The following LRBA variants were observed in gnomAD, a reference collection of about 807,000 sequenced individuals.
LRBA encodes the protein lipopolysaccharide-responsive and beige-like anchor protein.
Under a neutral mutation model 330.0 loss-of-function variants are expected in LRBA, and 176 were observed. The observed-to-expected ratio is 0.53, with a 90% confidence interval of 0.47 to 0.60. LRBA has a LOEUF of 0.60. LRBA is among the 20% of genes least tolerant of loss of function. The pLI is 0.00. For missense variants in LRBA, 3,259 were observed against 3,444.8 expected (o/e 0.95, Z 1.35); for synonymous variants, 1,230 against 1,193.0 (o/e 1.03, Z -0.64).
At chr4:150,293,728 C>A (rs1443365829) in intron 53 of LRBA, among the ~76,000 whole-genome samples, 1 of 152,164 alleles carries the variant, frequency 6.6e-6, no homozygotes, top group African/African-American at 2.4e-5. Context: ...GACCCTTGAA[C>A]AACATAGGTT....
intron 40 of LRBA, among the ~76,000 whole-genome samples, chr4:150,557,894 A>G (rs1767538416): frequency 1.3e-5 from 2 of 151,476 alleles, no homozygotes; most frequent in South Asian, 2.1e-4. Flanking sequence ...TCCATACTGT[A>G]CCCTTTGTTT....
intron 40 of LRBA, among the ~76,000 whole-genome samples, chr4:150,493,739 T>C (rs1759236937): frequency 6.6e-6 from 1 of 152,214 alleles, no homozygotes; most frequent in African/African-American, 2.4e-5. Flanking sequence ...TTGAGTTTGC[T>C]ACCCTGGATT....
chr4:150,755,723 C>A (rs1202007776), intron 35 of LRBA, among the ~76,000 whole-genome samples: 1 of 151,532 alleles, frequency 6.6e-6, no homozygotes. Flanking sequence ...TGAGGAGAAA[C>A]TAATAGAAAC....
At chr4:150,729,469 T>C (rs1235859212) in intron 36 of LRBA, among the ~76,000 whole-genome samples, 1 of 152,158 alleles carries the variant, frequency 6.6e-6, no homozygotes, top group Non-Finnish European at 1.5e-5. Context: ...TAATAAAAAC[T>C]ATAAATCACT....
intron 47 of LRBA, among the ~76,000 whole-genome samples, chr4:150,385,730 T>C (rs939927819): frequency 6.6e-6 from 1 of 152,090 alleles, no homozygotes; most frequent in African/African-American, 2.4e-5. Context: ...CTTAAGTGCC[T>C]GGTGTCTGTG....
chr4:150,424,974 T>TA (rs1395648579), intron 46 of LRBA, among the ~76,000 whole-genome samples: 2 of 152,214 alleles, frequency 1.3e-5, no homozygotes, highest in Admixed American at 1.3e-4. Context: ...ACTCAACTGA[T>TA]ATATACCAAT....
At position 150,962,887 on chromosome 4, in the gene LRBA, G is replaced by C. The variant is rs147992200; in HGVS notation, c.217-33822C>G. Among the ~76,000 whole-genome samples, 13 of 146,782 alleles carry C rather than the reference G, an allele frequency of 8.9e-5. 2 individuals carry two copies. The highest frequency in any genetic ancestry group is 3.0e-4 in the African/African-American group (11 of 37,046). On this transcript the variant is annotated intron_variant, in intron 2 of 56. Coordinates refer to ENST00000651943, the MANE Select transcript of LRBA (RefSeq NM_001364905.1). Reference sequence around the variant, plus strand: ...AAGAATTGCTTGAACCCAGGAAGCAGAGGTTGCAGTGAGCCGATATCACAC... The same window carrying C: ...AAGAATTGCTTGAACCCAGGAAGCACAGGTTGCAGTGAGCCGATATCACAC...
chr4:150,442,373 A>T (rs1332921796), intron 44 of LRBA, among the ~76,000 whole-genome samples: 1 of 152,220 alleles, frequency 6.6e-6, no homozygotes, highest in East Asian at 1.9e-4. Flanking sequence ...ATCAAGATAC[A>T]TTCTGTGGGT....
At chr4:150,466,400 CTG>C (rs1755456941) in intron 44 of LRBA, among the ~76,000 whole-genome samples, 1 of 152,072 alleles carries the variant, frequency 6.6e-6, no homozygotes, top group South Asian at 2.1e-4. Flanking sequence ...CTGACTGAGA[CTG>C]TGAATCACTG....
At position 150,761,775 on chromosome 4, in the gene LRBA, T is replaced by C. The variant is rs1735125164; in HGVS notation, c.5645+8A>G. 6.6e-7 allele frequency: 1 copy of C among 1,514,860 alleles called. No individual in the cohort carries two copies. The highest frequency in any genetic ancestry group is 8.9e-7 in the Non-Finnish European group (1 of 1,122,522). The allele number at this position is 1,514,860 out of a possible 1,614,324, so 93.8% of individuals were successfully genotyped here. On this transcript the variant is annotated splice_region_variant and intron_variant, in intron 35 of 56. Coordinates refer to ENST00000651943, the MANE Select transcript of LRBA (RefSeq NM_001364905.1). ...AAATACAAAATGAATTAAAATAAAA[T>C]AAATTACCTTCCTTCATTGACAAGT... is the stretch of plus-strand genomic sequence containing the variant.
intron 36 of LRBA, among the ~76,000 whole-genome samples, chr4:150,700,631 A>AT (rs1468378066): frequency 6.6e-6 from 1 of 152,192 alleles, no homozygotes; most frequent in African/African-American, 2.4e-5. Context: ...TCACTGTAAC[A>AT]TTTTTACTTC....
At chr4:150,320,826 G>T (rs1051724728) in intron 50 of LRBA, among the ~76,000 whole-genome samples, 1 of 151,716 alleles carries the variant, frequency 6.6e-6, no homozygotes, top group Non-Finnish European at 1.5e-5. Flanking sequence ...ACAAAAATTT[G>T]TAAAAACCCA....
chr4:150,351,989 G>A (rs1737251653), intron 47 of LRBA, among the ~76,000 whole-genome samples: 1 of 152,164 alleles, frequency 6.6e-6, no homozygotes, highest in Admixed American at 6.5e-5. Flanking sequence ...TGATTGTACT[G>A]TACTCACACA....
chr4:150,353,758 G>T (rs1320978355), intron 47 of LRBA, among the ~76,000 whole-genome samples: 2 of 152,148 alleles, frequency 1.3e-5, no homozygotes, highest in Admixed American at 1.3e-4. Flanking sequence ...CAGTCCTTAA[G>T]GAGTTGACCA....
intron 2 of LRBA, among the ~76,000 whole-genome samples, chr4:150,971,950 C>T (rs576403992): frequency 4.6e-5 from 7 of 152,052 alleles, no homozygotes; most frequent in Admixed American, 2.0e-4. Context: ...AGAAAAAATG[C>T]ATAAATGTAT....
chr4:150,488,115 T>C (rs943670341), intron 41 of LRBA, among the ~76,000 whole-genome samples: 13 of 151,590 alleles, frequency 8.6e-5, no homozygotes, highest in African/African-American at 3.1e-4. Flanking sequence ...GTTGAGATTA[T>C]GAGACATGAT....
intron 2 of LRBA, among the ~76,000 whole-genome samples, chr4:150,992,744 G>A (rs2149630943): frequency 6.6e-6 from 1 of 152,260 alleles, no homozygotes; most frequent in East Asian, 1.9e-4. Flanking sequence ...AATAAGATGA[G>A]AAACATAAAA....
At chr4:150,961,654 T>C (rs141752272) in intron 2 of LRBA, among the ~76,000 whole-genome samples, 1 of 149,402 alleles carries the variant, frequency 6.7e-6, no homozygotes, top group East Asian at 1.9e-4. Flanking sequence ...CAAACAGGAA[T>C]AGCCAGGAAG....
At chr4:150,453,168 G>T (rs182188353) in intron 44 of LRBA, among the ~76,000 whole-genome samples, 5 of 152,118 alleles carry the variant, frequency 3.3e-5, no homozygotes, top group Admixed American at 3.3e-4. Context: ...AATCTAGAAG[G>T]CTTTTTAAAA....
Sources: gnomAD v4.1 joint callset for allele counts (sites outside exome capture counted in the v4.1 genomes callset) on GRCh38, gnomAD v4.1.1 for gene constraint, MANE v1.5 for transcripts, NCBI Gene and HGNC (gene_info 2026-07-23, HGNC 2026-07-21) for gene names.